Variants in CNTNAP2 observed in about 807,000 individuals in gnomAD.
CNTNAP2 encodes contactin-associated protein-like 2.
A neutral mutation model predicts 155.2 loss-of-function variants in CNTNAP2; 98 were observed. That is an observed-to-expected ratio of 0.63 (90% CI 0.54 to 0.75). The LOEUF is 0.75. Ranked by LOEUF, CNTNAP2 falls within the 30% of genes least tolerant of loss-of-function variation. CNTNAP2 has a pLI of 0.00. For synonymous variants in CNTNAP2, 651 were observed against 631.2 expected (o/e 1.03, Z -0.47); for missense variants, 1,727 against 1,688.1 (o/e 1.02, Z -0.40).
At chr7:146,246,236 T>TGG (rs199976282) in intron 1 of CNTNAP2, among the ~76,000 whole-genome samples, 3 of 149,278 alleles carry the variant, frequency 2.0e-5, no homozygotes, top group Non-Finnish European at 3.0e-5. Context: ...TGGGTTAAGG[T>TGG]GGGGTAATAC....
intron 16 of CNTNAP2, among the ~76,000 whole-genome samples, chr7:148,137,547 A>G (rs1052048886): frequency 2.6e-5 from 4 of 152,174 alleles, no homozygotes; most frequent in African/African-American, 9.7e-5. Flanking sequence ...CTGCGGTCCC[A>G]GCCACTCGGG....
At chr7:146,256,263 A>G (rs982103304) in intron 1 of CNTNAP2, among the ~76,000 whole-genome samples, 2 of 152,140 alleles carry the variant, frequency 1.3e-5, no homozygotes, top group African/African-American at 4.8e-5. Context: ...TAAATGTTCT[A>G]TTAAGACAAG....
At chr7:147,268,020 C>G (rs1023047503) in intron 8 of CNTNAP2, among the ~76,000 whole-genome samples, 1 of 152,180 alleles carries the variant, frequency 6.6e-6, no homozygotes, top group African/African-American at 2.4e-5. Flanking sequence ...TCACTTTTCC[C>G]TGAAATCTGG....
At chr7:147,057,311 A>C (rs1799580941) in intron 4 of CNTNAP2, among the ~76,000 whole-genome samples, 1 of 152,178 alleles carries the variant, frequency 6.6e-6, no homozygotes, top group Non-Finnish European at 1.5e-5. Flanking sequence ...CTGACCTTCC[A>C]TAATGACTCT....
At chr7:146,129,973 T>G (rs966491621) in intron 1 of CNTNAP2, among the ~76,000 whole-genome samples, 11 of 152,204 alleles carry the variant, frequency 7.2e-5, no homozygotes, top group African/African-American at 2.7e-4. Context: ...AGGAAAAGAC[T>G]GTTCCAAGAA....
At chr7:148,066,119 T>TTGTAGGGCCCCA (rs1184233990) in intron 15 of CNTNAP2, among the ~76,000 whole-genome samples, 29 of 152,344 alleles carry the variant, frequency 1.9e-4, no homozygotes, top group African/African-American at 6.7e-4. Context: ...GCCCCAATCC[T>TTGTAGGGCCCCA]ATCTGGCTTG....
chr7:147,031,901 G>GA (rs749093204), intron 3 of CNTNAP2, among the ~76,000 whole-genome samples: 2 of 152,186 alleles, frequency 1.3e-5, no homozygotes, highest in Non-Finnish European at 2.9e-5. Context: ...CCGGACAACA[G>GA]AAAAAGACTC....
At chr7:148,166,066 A>G (rs1805652299) in intron 17 of CNTNAP2, among the ~76,000 whole-genome samples, 1 of 151,788 alleles carries the variant, frequency 6.6e-6, no homozygotes, top group Admixed American at 6.6e-5. Context: ...AGTGGGGCCT[A>G]TCCTAACCAC....
intron 9 of CNTNAP2, among the ~76,000 whole-genome samples, chr7:147,371,917 G>A (rs1525223): frequency 0.016 from 2,468 of 152,164 alleles, 70 homozygotes; most frequent in African/African-American, 0.056. Flanking sequence ...ATGTTGTAAT[G>A]TTCAGAAATG....
intron 3 of CNTNAP2, among the ~76,000 whole-genome samples, chr7:146,898,417 G>A (rs1795922011): frequency 6.6e-6 from 1 of 151,674 alleles, no homozygotes; most frequent in Non-Finnish European, 1.5e-5. Flanking sequence ...AGAATTTTCT[G>A]AACATTTGCT....
At chr7:146,383,368 G>C (rs79216081) in intron 1 of CNTNAP2, among the ~76,000 whole-genome samples, 141 of 152,110 alleles carry the variant, frequency 9.3e-4, no homozygotes, top group Non-Finnish European at 1.4e-3. Context: ...CACTTCACAA[G>C]CAGTATGGCA....
rs563844015 is a variant in CNTNAP2 at position 148,048,538 on chromosome 7, G to A, written c.2384-69580G>A. On this transcript the variant is annotated intron_variant, in intron 15 of 23. Transcript: ENST00000361727. The stretch of plus-strand genomic sequence containing the variant: ...AGGGTCAGTGTCAGCCTAGCCAGTA[G>A]GGAATCCATGGAGCTGGGGCATGTC... Among the ~76,000 whole-genome samples the A allele has an allele frequency of 9.9e-5, 15 of 152,248 alleles. 1 individual carries two copies. In the South Asian group the frequency reaches 2.9e-3, roughly 29 times the overall value.
intron 1 of CNTNAP2, among the ~76,000 whole-genome samples, chr7:146,461,608 G>A (rs1009669887): frequency 6.6e-6 from 1 of 152,148 alleles, no homozygotes; most frequent in African/African-American, 2.4e-5. Context: ...AACGTGTCTA[G>A]ACAAGAATAG....
intron 21 of CNTNAP2, among the ~76,000 whole-genome samples, chr7:148,363,694 C>T (rs1043395334): frequency 7.2e-5 from 11 of 152,370 alleles, no homozygotes; most frequent in African/African-American, 2.2e-4. Flanking sequence ...GGCACCTCCC[C>T]TGCCTGGGCT....
intron 14 of CNTNAP2, among the ~76,000 whole-genome samples, chr7:147,935,989 G>C (rs893119667): frequency 1.3e-5 from 2 of 150,156 alleles, no homozygotes; most frequent in African/African-American, 4.9e-5. Flanking sequence ...AAACTCTCAT[G>C]TTTAACTTGA....
At chr7:147,224,273 G>C (rs1380814481) in intron 8 of CNTNAP2, among the ~76,000 whole-genome samples, 1 of 152,132 alleles carries the variant, frequency 6.6e-6, no homozygotes, top group East Asian at 1.9e-4. Context: ...GAAACTACAA[G>C]TCTCCATACC....
chr7:146,926,092 A>G (rs186348876), intron 3 of CNTNAP2, among the ~76,000 whole-genome samples: 1 of 152,168 alleles, frequency 6.6e-6, no homozygotes. Flanking sequence ...AAATGCTTAT[A>G]GTAGCTGACT....
rs888331085 is a variant in CNTNAP2 at position 147,576,288 on chromosome 7, T to G, written c.1897+14031T>G. ...TAGAGCTAAGTAGCCACCACCAATCTCAGTGCTAAATAAGAAAACAAGTTT... is the reference window on the plus strand; with the variant it reads ...TAGAGCTAAGTAGCCACCACCAATCGCAGTGCTAAATAAGAAAACAAGTTT... On this transcript the variant is annotated intron_variant, in intron 12 of 23. Coordinates refer to ENST00000361727, the MANE Select transcript of CNTNAP2 (RefSeq NM_014141.6). 3.3e-5 allele frequency among the ~76,000 whole-genome samples: 5 copies of G among 152,100 alleles called. No homozygotes were observed. The South Asian group carries it at 8.3e-4, about 25-fold the overall frequency.
intron 1 of CNTNAP2, among the ~76,000 whole-genome samples, chr7:146,735,852 C>T (rs2129180237): frequency 1.3e-5 from 2 of 152,064 alleles, no homozygotes; most frequent in South Asian, 4.1e-4. Context: ...GTTAGGGTGA[C>T]TGTAGTTAAA....
Sources: gnomAD v4.1 joint callset for allele counts (sites outside exome capture counted in the v4.1 genomes callset) on GRCh38, gnomAD v4.1.1 for gene constraint, MANE v1.5 for transcripts, NCBI Gene and HGNC (gene_info 2026-07-23, HGNC 2026-07-21) for gene names.